DAB1: variants seen among roughly 807,000 people sequenced by gnomAD.
DAB1 encodes DAB adaptor protein 1.
A neutral mutation model predicts 64.6 loss-of-function variants in DAB1; 15 were observed. The ratio of observed to expected loss-of-function variants is 0.23; its 90% CI spans 0.16 to 0.36. The LOEUF (loss-of-function observed/expected upper bound fraction) is 0.36, where lower values mean the gene tolerates loss of function less well. Among genes scored for constraint, DAB1 ranks in the 10% least tolerant of loss-of-function variants. The pLI is 1.00. For missense variants in DAB1, 596 were observed against 706.7 expected (o/e 0.84, Z 1.78); for synonymous variants, 235 against 251.9 (o/e 0.93, Z 0.64).
chr1:58,256,626 C>T (rs752273669), intron 4 of DAB1, among the ~76,000 whole-genome samples: 16 of 152,184 alleles, frequency 1.1e-4, no homozygotes, highest in Non-Finnish European at 1.9e-4. Context: ...CCCCAAGGTT[C>T]TCACAATGTT....
At chr1:57,153,099 C>T (rs1354804888) in intron 2 of DAB1, among the ~76,000 whole-genome samples, 3 of 152,204 alleles carry the variant, frequency 2.0e-5, no homozygotes, top group Non-Finnish European at 2.9e-5. Flanking sequence ...GATCTTAGCT[C>T]ACTGCAATCT....
intron 1 of DAB1, chr1:58,536,733 C>T: frequency 1.1e-6 from 1 of 872,002 alleles, no homozygotes; most frequent in South Asian, 1.3e-5. Flanking sequence ...CCACCATTTC[C>T]TTATGCCCCT....
At chr1:58,531,060 T>C (rs1025026576) in intron 1 of DAB1, among the ~76,000 whole-genome samples, 2 of 152,130 alleles carry the variant, frequency 1.3e-5, no homozygotes, top group South Asian at 2.1e-4. Context: ...GAAACTGAGA[T>C]AGAGAGAGGT....
chr1:57,736,956 G>T (rs542220642), intron 6 of DAB1, among the ~76,000 whole-genome samples: 1 of 152,304 alleles, frequency 6.6e-6, no homozygotes, highest in South Asian at 2.1e-4. Context: ...AACCTAAAAA[G>T]GATAGGGAAG....
At chr1:57,590,733 G>A (rs548618695) in intron 7 of DAB1, among the ~76,000 whole-genome samples, 15 of 97,548 alleles carry the variant, frequency 1.5e-4, no homozygotes, top group Middle Eastern at 5.2e-3. Flanking sequence ...ATTGTAGTCC[G>A]TAACACACAC....
rs183570379 is a variant in DAB1, at chr1:57,429,900, A to G, written n.626-138734T>C. ...ATTTTGATTACTATTGCTTTATAAT[A>G]TACTTTGAAATCAGGTAGTATGATG... On this transcript the variant is annotated intron_variant and non_coding_transcript_variant, in intron 7 of 20. Transcript: ENST00000485760. Among the ~76,000 whole-genome samples, 22 of 152,288 alleles carry G rather than the reference A, an allele frequency of 1.4e-4. No individual in the cohort carries two copies. In the East Asian group the frequency reaches 2.3e-3, roughly 16 times the overall value.
At chr1:58,324,369 G>A (rs961046452) in intron 4 of DAB1, among the ~76,000 whole-genome samples, 1 of 152,022 alleles carries the variant, frequency 6.6e-6, no homozygotes, top group Admixed American at 6.5e-5. Context: ...AATATCTTCG[G>A]GTCTCAGCTC....
chr1:57,874,051 G>A (rs1644000965), intron 1 of DAB1: 1 of 152,082 alleles, frequency 6.6e-6, no homozygotes, highest in Non-Finnish European at 1.5e-5. Context: ...AAGAGTGAAT[G>A]AGTAAACAAA....
chr1:58,189,402 T>C (rs927643100), intron 4 of DAB1, among the ~76,000 whole-genome samples: 1 of 152,246 alleles, frequency 6.6e-6, no homozygotes, highest in African/African-American at 2.4e-5. Flanking sequence ...ATGATGAAAC[T>C]GGCATGCAGA....
intron 6 of DAB1, among the ~76,000 whole-genome samples, chr1:57,748,234 G>T (rs1324110916): frequency 6.6e-6 from 1 of 152,168 alleles, no homozygotes; most frequent in Non-Finnish European, 1.5e-5. Context: ...AAACTTTGGT[G>T]CAGGTACAGG....
chr1:58,517,026 T>C (rs1280980586), intron 2 of DAB1, among the ~76,000 whole-genome samples: 7 of 152,180 alleles, frequency 4.6e-5, no homozygotes, highest in African/African-American at 2.4e-5. Flanking sequence ...GGGAGTCTGA[T>C]GCATCAAGGT....
At chr1:58,361,830 T>C (rs1316104396) in intron 3 of DAB1, among the ~76,000 whole-genome samples, 1 of 151,510 alleles carries the variant, frequency 6.6e-6, no homozygotes, top group Non-Finnish European at 1.5e-5. Context: ...GGTCCCTTCA[T>C]TGTAGCCTAA....
rs145342467 is a variant in DAB1 at position 58,092,880 on chromosome 1, C to T, written n.387+57631G>A. On this transcript the variant is annotated intron_variant and non_coding_transcript_variant, in intron 5 of 20. Transcript: ENST00000485760. ...ACCCTCACCTAGATGAAGTTTCTAACTGCACTCTACTCCCAGTTTGGTTTC... is the reference window on the plus strand; with the variant it reads ...ACCCTCACCTAGATGAAGTTTCTAATTGCACTCTACTCCCAGTTTGGTTTC... Among the ~76,000 whole-genome samples the T allele has an allele frequency of 6.9e-4, 105 of 152,324 alleles. 1 individual carries two copies. The South Asian group carries it at 7.5e-3, about 11-fold the overall frequency.
At chr1:58,135,220 C>A (rs992161056) in intron 5 of DAB1, among the ~76,000 whole-genome samples, 72 of 152,316 alleles carry the variant, frequency 4.7e-4, no homozygotes, top group African/African-American at 1.6e-3. Flanking sequence ...GACATACCAA[C>A]AAGGACTGTC....
At chr1:57,159,861 A>C (rs1660582073) in intron 2 of DAB1, among the ~76,000 whole-genome samples, 1 of 94,240 alleles carries the variant, frequency 1.1e-5, no homozygotes, top group African/African-American at 5.6e-5. Flanking sequence ...CAAGACAAAA[A>C]AAAAAAAAAA....
At chr1:58,303,857 AC>A (rs1487965378) in intron 4 of DAB1, among the ~76,000 whole-genome samples, 9 of 151,748 alleles carry the variant, frequency 5.9e-5, no homozygotes, top group African/African-American at 2.2e-4. Flanking sequence ...GCAAATAATT[AC>A]CCCCCTAATT....
intron 5 of DAB1, among the ~76,000 whole-genome samples, chr1:57,939,319 T>A (rs1645070257): frequency 6.6e-6 from 1 of 152,142 alleles, no homozygotes; most frequent in Non-Finnish European, 1.5e-5. Flanking sequence ...ATCATCACAT[T>A]GGAGATGTAG....
chr1:58,526,601 C>CA lies in DAB1; in HGVS notation n.107+659dup, dbSNP rs10574530. ...GCCCAGAGCTGCTCTCTATGGCTAG[C>CA]AAAAAAAAAAAAAAAAAGCCATCTG... On this transcript the variant is annotated intron_variant and non_coding_transcript_variant, in intron 2 of 20. Coordinates refer to the DAB1 transcript ENST00000485760. 3.2e-3 allele frequency among the ~76,000 whole-genome samples: 387 copies of CA among 121,328 alleles called. 3 individuals carry two copies. The highest frequency in any genetic ancestry group is 0.011 in the African/African-American group (319 of 28,960). The allele number at this position is 121,328 out of a possible 152,430, so 79.6% of individuals were successfully genotyped here.
chr1:57,405,418 C>T (rs983318344), intron 1 of DAB1, among the ~76,000 whole-genome samples: 9 of 152,128 alleles, frequency 5.9e-5, no homozygotes, highest in Non-Finnish European at 1.0e-4. Context: ...TGAACTTGCA[C>T]GTGAGGGAGA....
Sources: allele counts gnomAD v4.1 joint callset (sites outside exome capture counted in the v4.1 genomes callset), GRCh38; gene constraint gnomAD v4.1.1; transcripts MANE v1.5; gene names NCBI Gene and HGNC (gene_info 2026-07-23, HGNC 2026-07-21).